CDH23: variants seen among roughly 807,000 people sequenced by gnomAD.
CDH23 encodes cadherin-23.
In CDH23, 189 loss-of-function variants were observed where a neutral mutation model predicts 317.1. That is an observed-to-expected ratio of 0.60 (90% CI 0.53 to 0.67). The LOEUF (loss-of-function observed/expected upper bound fraction) is 0.67. Among genes scored for constraint, CDH23 ranks in the 30% least tolerant of loss-of-function variants. CDH23 has a pLI of 0.00. For missense variants in CDH23, 4,401 were observed against 4,592.4 expected (o/e 0.96, Z 1.20); for synonymous variants, 1,839 against 1,876.8 (o/e 0.98, Z 0.52).
intron 3 of CDH23, among the ~76,000 whole-genome samples, chr10:71,499,977 C>T (rs909528412): frequency 6.7e-6 from 1 of 148,518 alleles, no homozygotes; most frequent in Non-Finnish European, 1.5e-5. Context: ...AAAGAGAGCA[C>T]CACTGCCCTT....
At chr10:71,497,543 T>C (rs906374140) in intron 3 of CDH23, among the ~76,000 whole-genome samples, 1 of 152,228 alleles carries the variant, frequency 6.6e-6, no homozygotes, top group Non-Finnish European at 1.5e-5. Context: ...CCCTGGCTGC[T>C]GGCTCTGCGG....
Position 71,552,093 on chromosome 10 carries a change from C to T in CDH23, c.430-14649C>T, listed in dbSNP as rs564757524. On this transcript the variant is annotated intron_variant, in intron 6 of 69. Coordinates refer to ENST00000224721, the MANE Select transcript of CDH23 (RefSeq NM_022124.6). ...ACTACCGCTATGACTGTGGGCCAGG[C>T]CTCAGGCTGTGTGTCTCAGAATCAT... 2.6e-5 allele frequency among the ~76,000 whole-genome samples: 4 copies of T among 152,356 alleles called. No homozygotes were observed. The East Asian group carries it at 7.7e-4, about 29-fold the overall frequency.
At chr10:71,442,799 G>A (rs546126107) in intron 2 of CDH23, among the ~76,000 whole-genome samples, 22 of 152,232 alleles carry the variant, frequency 1.4e-4, no homozygotes, top group African/African-American at 5.1e-4. Context: ...TTCCCCACCC[G>A]ACAACATGTC....
chr10:71,535,883 T>C (rs955981421), intron 6 of CDH23, among the ~76,000 whole-genome samples: 1 of 152,168 alleles, frequency 6.6e-6, no homozygotes, highest in Non-Finnish European at 1.5e-5. Context: ...CGGTGTTGAG[T>C]TGGGACACAG....
intron 47 of CDH23, 71 bp from the exon 48 acceptor site, chr10:71,793,111 C>A: frequency 8.3e-7 from 1 of 1,205,332 alleles, no homozygotes; most frequent in South Asian, 1.5e-5. Flanking sequence ...AGATCACCAA[C>A]AAATGTGTCT....
At chr10:71,754,364 AGTT>A (rs1315456378) in intron 38 of CDH23, among the ~76,000 whole-genome samples, 1 of 152,096 alleles carries the variant, frequency 6.6e-6, no homozygotes, top group Non-Finnish European at 1.5e-5. Flanking sequence ...AGGGATGACA[AGTT>A]GTTAAGGGCC....
chr10:71,445,717 G>T (rs1436893670), intron 2 of CDH23, among the ~76,000 whole-genome samples: 1 of 152,000 alleles, frequency 6.6e-6, no homozygotes, highest in Non-Finnish European at 1.5e-5. Context: ...CTGGCATGGG[G>T]CATGCCTGTG....
chr10:71,789,734 G>C (rs1395679631), intron 45 of CDH23, among the ~76,000 whole-genome samples: 1 of 152,206 alleles, frequency 6.6e-6, no homozygotes, highest in Non-Finnish European at 1.5e-5. Flanking sequence ...TAGGTACATG[G>C]GTGCCCACTG....
At chr10:71,681,528 G>A (rs968220286) in intron 17 of CDH23, among the ~76,000 whole-genome samples, 4 of 152,204 alleles carry the variant, frequency 2.6e-5, no homozygotes, top group Admixed American at 1.3e-4. Flanking sequence ...TGAAGGTAAG[G>A]TCTGCAGCAC....
At chr10:71,708,088 C>A (rs1339937195) in intron 26 of CDH23, among the ~76,000 whole-genome samples, 1 of 152,188 alleles carries the variant, frequency 6.6e-6, no homozygotes, top group East Asian at 1.9e-4. Context: ...GGCTCCACTG[C>A]CCACACTATT....
At chr10:71,591,480 C>G in intron 9 of CDH23, among the ~76,000 whole-genome samples, 1 of 152,130 alleles carries the variant, frequency 6.6e-6, no homozygotes, top group Admixed American at 6.5e-5. Flanking sequence ...CAAGCTGATG[C>G]AGCTAACCAT....
chr10:71,530,344 C>T (rs1020920040), intron 6 of CDH23, among the ~76,000 whole-genome samples: 4 of 152,212 alleles, frequency 2.6e-5, no homozygotes, highest in Non-Finnish European at 4.4e-5. Flanking sequence ...GCCTTCCTCT[C>T]ACCCTGCCGG....
chr10:71,475,082 A>G (rs963390693), intron 3 of CDH23, among the ~76,000 whole-genome samples: 1 of 152,214 alleles, frequency 6.6e-6, no homozygotes, highest in Admixed American at 6.5e-5. Context: ...CAGGCCCTGC[A>G]GGGTGCCTTC....
chr10:71,489,592 G>A (rs555293159), intron 3 of CDH23, among the ~76,000 whole-genome samples: 3 of 109,220 alleles, frequency 2.7e-5, no homozygotes, highest in African/African-American at 7.1e-5. Flanking sequence ...ACAGTGCCTC[G>A]GGGTGTGTGT....
At chr10:71,429,268 C>T (rs1849255536) in intron 1 of CDH23, among the ~76,000 whole-genome samples, 1 of 152,178 alleles carries the variant, frequency 6.6e-6, no homozygotes, top group East Asian at 1.9e-4. Flanking sequence ...CGTGACTGAG[C>T]TTGACTCTAG....
chr10:71,811,471 C>A lies in CDH23; in HGVS notation c.9198+36C>A, dbSNP rs542191190. The stretch of plus-strand genomic sequence containing the variant: ...ACCGTGCCCCACAGCCCTAGCCGCC[C>A]TCCCCACTGCCCGGGCTTACCCTGG... On this transcript the variant is annotated intron_variant, in intron 63 of 69. Coordinates refer to ENST00000224721, the MANE Select transcript of CDH23 (RefSeq NM_022124.6). The A allele has an allele frequency of 1.1e-4, 171 of 1,614,018 alleles. 1 individual carries two copies. The Middle Eastern group carries it at 2.0e-3, about 19-fold the overall frequency.
intron 9 of CDH23, among the ~76,000 whole-genome samples, chr10:71,599,602 A>AGCTTCATTGT (rs1429121002): frequency 6.6e-6 from 1 of 152,120 alleles, no homozygotes. Context: ...TGGTACCGAG[A>AGCTTCATTGT]GCTTCATTGT....
At chr10:71,812,390 G>C (rs1157194900) in intron 66 of CDH23, 90 bp from the exon 67 acceptor site, 3 of 1,605,524 alleles carry the variant, frequency 1.9e-6, no homozygotes, top group Non-Finnish European at 2.5e-6. Flanking sequence ...TATGGCCAGG[G>C]AAATGGGCAG....
intron 9 of CDH23, among the ~76,000 whole-genome samples, chr10:71,587,092 G>A (rs1859125344): frequency 6.6e-6 from 1 of 152,218 alleles, no homozygotes; most frequent in African/African-American, 2.4e-5. Flanking sequence ...AAATGTGGCT[G>A]GCTAGAGCCA....
Sources: allele counts gnomAD v4.1 joint callset (sites outside exome capture counted in the v4.1 genomes callset), GRCh38; gene constraint gnomAD v4.1.1; transcripts MANE v1.5; gene names NCBI Gene and HGNC (gene_info 2026-07-23, HGNC 2026-07-21).